The following SKAP1 variants were observed in gnomAD, a reference collection of about 807,000 sequenced individuals.
SKAP1 encodes src kinase associated phosphoprotein 1.
Under a neutral mutation model 58.5 loss-of-function variants are expected in SKAP1, and 44 were observed. The observed-to-expected ratio is 0.75, with a 90% CI of 0.59 to 0.97. SKAP1 has a LOEUF of 0.97. Among genes scored for constraint, SKAP1 ranks in the 50% least tolerant of loss-of-function variants. The pLI, the probability that SKAP1 is intolerant of heterozygous loss-of-function variation, is 0.00. For synonymous variants in SKAP1, 127 were observed against 149.7 expected, an observed-to-expected ratio of 0.85 and a Z score of 1.11; for missense variants, 390 against 435.2, an observed-to-expected ratio of 0.90 and a Z score of 0.92.
At chr17:48,189,581 T>G in intron 4 of SKAP1, 81 bp from the exon 5 acceptor site, 1 of 950,772 alleles carries the variant, frequency 1.1e-6, no homozygotes, top group Non-Finnish European at 1.6e-6. Flanking sequence ...TAATTCACAT[T>G]AATAACAGAG....
In SKAP1 at chr17:48,137,251, T is replaced by G. The variant is rs754416960; in HGVS notation, c.1065A>C (p.Glu355Asp). The change falls in exon 12 of 13, where the codon GAA becomes GAC. Residue 355 changes from glutamate (E) to aspartate (D), a missense_variant. Physicochemically the swap from Glu to Asp is conservative, Grantham distance 45 (BLOSUM62 2). Coordinates refer to ENST00000336915, the MANE Select transcript of SKAP1 (RefSeq NM_003726.4). ...TACCTGGGTTTCATCTTTCTTCCAC[T>G]TCAAAGGCAGTGGTGAGATACTCCT... ...VPKEYLTTAF[E>D]VEER The G allele has an allele frequency of 6.2e-7, 1 of 1,613,452 alleles. No individual in the cohort carries two copies. Among genetic ancestry groups the G allele is most frequent in the South Asian group, 1.1e-5 (1 of 91,048 alleles).
At chr17:48,190,841 C>A (rs969122229) in intron 4 of SKAP1, among the ~76,000 whole-genome samples, 1 of 151,932 alleles carries the variant, frequency 6.6e-6, no homozygotes, top group Non-Finnish European at 1.5e-5. Flanking sequence ...AAAAATTAGC[C>A]GGGCATGGTG....
chr17:48,243,730 C>T (rs923813598), intron 4 of SKAP1, among the ~76,000 whole-genome samples: 1 of 152,056 alleles, frequency 6.6e-6, no homozygotes, highest in Non-Finnish European at 1.5e-5. Flanking sequence ...ATAAAACAGG[C>T]TTCAGTGATG....
intron 4 of SKAP1, among the ~76,000 whole-genome samples, chr17:48,284,994 A>G (rs1451686933): frequency 2.6e-5 from 4 of 152,214 alleles, no homozygotes; most frequent in African/African-American, 4.8e-5. Flanking sequence ...GGATTTGCCT[A>G]TAGAGCAATT....
Position 48,203,981 on chromosome 17 carries a change from C to G in SKAP1, c.281-14481G>C, listed in dbSNP as rs574114405. On this transcript the variant is annotated intron_variant, in intron 4 of 12. Coordinates refer to ENST00000336915, the MANE Select transcript of SKAP1 (RefSeq NM_003726.4). ...TATGACACCTCCTTAATTCTGATCT[C>G]CTTCATTCAGACAGAAAGATCTCAC... is the stretch of plus-strand genomic sequence containing the variant. 9.5e-4 allele frequency: 145 copies of G among 152,330 alleles called. 1 individual carries two copies. Among genetic ancestry groups the G allele is most frequent in the African/African-American group, 2.8e-3 (115 of 41,576 alleles). The allele number at this position is 152,330 out of a possible 1,614,324, so 9.4% of individuals were successfully genotyped here. A position where few individuals can be genotyped will look rare whatever the true frequency, so the allele number is the denominator to read the frequency against.
intron 11 of SKAP1, among the ~76,000 whole-genome samples, chr17:48,150,572 C>T (rs191899551): frequency 1.3e-5 from 2 of 152,260 alleles, no homozygotes; most frequent in East Asian, 1.9e-4. Flanking sequence ...TTTCCCAGTC[C>T]GTTCCATTTT....
At chr17:48,411,116 G>A (rs1388961202) in intron 1 of SKAP1, among the ~76,000 whole-genome samples, 1 of 151,866 alleles carries the variant, frequency 6.6e-6, no homozygotes, top group Non-Finnish European at 1.5e-5. Flanking sequence ...ATAAATAAGT[G>A]AGGCCGGGCA....
intron 4 of SKAP1, among the ~76,000 whole-genome samples, chr17:48,232,361 C>T (rs928129730): frequency 2.0e-5 from 3 of 152,156 alleles, no homozygotes; most frequent in Admixed American, 1.3e-4. Flanking sequence ...TGCAAAGATA[C>T]CACCAGGTGG....
At chr17:48,411,414 TAAA>T (rs2067663892) in intron 1 of SKAP1, among the ~76,000 whole-genome samples, 2 of 151,332 alleles carry the variant, frequency 1.3e-5, no homozygotes, top group Non-Finnish European at 2.9e-5. Context: ...AATAAATAAA[TAAA>T]TAAATAAATA....
At chr17:48,362,556 C>A (rs2066950026) in intron 3 of SKAP1, among the ~76,000 whole-genome samples, 1 of 152,232 alleles carries the variant, frequency 6.6e-6, no homozygotes, top group African/African-American at 2.4e-5. Context: ...ATCCACTGCT[C>A]AATCTATGTT....
At chr17:48,313,666 A>C (rs1354226623) in intron 4 of SKAP1, among the ~76,000 whole-genome samples, 1 of 152,250 alleles carries the variant, frequency 6.6e-6, no homozygotes. Flanking sequence ...AGGAGATAAA[A>C]GAGTGGAAAC....
chr17:48,421,573 G>A (rs150482526), intron 1 of SKAP1, among the ~76,000 whole-genome samples: 7 of 152,098 alleles, frequency 4.6e-5, no homozygotes, highest in Non-Finnish European at 8.8e-5. Flanking sequence ...CCGAAGTGCT[G>A]GGATTACAGG....
chr17:48,397,779 A>C (rs1418168737), intron 1 of SKAP1, among the ~76,000 whole-genome samples: 4 of 152,238 alleles, frequency 2.6e-5, no homozygotes, highest in Non-Finnish European at 4.4e-5. Flanking sequence ...AGGGAACTGC[A>C]ATTAATGTGA....
At chr17:48,246,139 T>C (rs1380541417) in intron 4 of SKAP1, among the ~76,000 whole-genome samples, 1 of 152,226 alleles carries the variant, frequency 6.6e-6, no homozygotes, top group African/African-American at 2.4e-5. Flanking sequence ...ACATATAAAA[T>C]GGAAGACTTA....
intron 3 of SKAP1, among the ~76,000 whole-genome samples, chr17:48,361,766 C>T (rs1171381036): frequency 1.3e-5 from 2 of 152,200 alleles, no homozygotes; most frequent in African/African-American, 4.8e-5. Context: ...CCCATCCCAA[C>T]ACCACCCAGT....
chr17:48,329,921 T>C (rs532637530), intron 4 of SKAP1, among the ~76,000 whole-genome samples: 30 of 152,302 alleles, frequency 2.0e-4, no homozygotes, highest in African/African-American at 7.2e-4. Flanking sequence ...CAATGCACAG[T>C]AGTAATGATG....
intron 2 of SKAP1, among the ~76,000 whole-genome samples, chr17:48,390,813 G>A (rs1468327397): frequency 6.6e-6 from 1 of 152,120 alleles, no homozygotes; most frequent in African/African-American, 2.4e-5. Flanking sequence ...GGTGGCTCAC[G>A]CCTGTAATCC....
At chr17:48,156,194 G>A (rs1398716191) in intron 11 of SKAP1, among the ~76,000 whole-genome samples, 2 of 152,196 alleles carry the variant, frequency 1.3e-5, no homozygotes, top group Admixed American at 6.5e-5. Flanking sequence ...CAGAGCGACC[G>A]CCACGCTAAA....
intron 1 of SKAP1, among the ~76,000 whole-genome samples, chr17:48,427,281 A>G (rs1328526352): frequency 6.6e-6 from 1 of 152,244 alleles, no homozygotes; most frequent in Non-Finnish European, 1.5e-5. Context: ...TAGTCTTAAA[A>G]ATATGCCATG....
Sources: allele counts gnomAD v4.1 joint callset (sites outside exome capture counted in the v4.1 genomes callset), GRCh38; gene constraint gnomAD v4.1.1; transcripts MANE v1.5; gene names NCBI Gene and HGNC (gene_info 2026-07-23, HGNC 2026-07-21).